Variants in RBFOX3 observed in about 807,000 individuals in gnomAD.
The protein encoded by RBFOX3 is RNA binding protein fox-1 homolog 3.
RBFOX3 carries 17 observed loss-of-function variants against 48.7 expected under a neutral mutation model. The observed-to-expected ratio is 0.35, with a 90% confidence interval of 0.24 to 0.52. RBFOX3 has a LOEUF of 0.52. RBFOX3 is among the 20% of genes least tolerant of loss of function. The pLI is 0.94. For synonymous variants in RBFOX3, 212 were observed against 209.5 expected, an observed-to-expected ratio of 1.01 and a Z score of -0.10; for missense variants, 382 against 497.5, an observed-to-expected ratio of 0.77 and a Z score of 2.21.
At position 79,541,911 on chromosome 17, in the gene RBFOX3, TGGGCCAC is replaced by T. The variant is rs546375957; in HGVS notation, c.-319-59320_-319-59314del. Reference sequence around the variant, plus strand: ...GACACCTCCTGCCGATGTCACCAGGTGGGCCACGGAGCACGGGGCTCCTCCAGGGTCC... The same window carrying T: ...GACACCTCCTGCCGATGTCACCAGGTGGAGCACGGGGCTCCTCCAGGGTCC... On this transcript the variant is annotated intron_variant, in intron 1 of 14. Coordinates refer to ENST00000693108, the MANE Select transcript of RBFOX3 (RefSeq NM_001350451.2). Among the ~76,000 whole-genome samples, 309 of 152,248 alleles carry T rather than the reference TGGGCCAC, an allele frequency of 2.0e-3. 3 individuals are homozygous for T. The South Asian group carries it at 0.026, about 13-fold the overall frequency.
At chr17:79,569,422 T>C (rs1169023217) in intron 1 of RBFOX3, among the ~76,000 whole-genome samples, 1 of 152,210 alleles carries the variant, frequency 6.6e-6, no homozygotes, top group Non-Finnish European at 1.5e-5. Flanking sequence ...CATTCCCTTC[T>C]ATGGCTACGC....
intron 3 of RBFOX3, among the ~76,000 whole-genome samples, chr17:79,297,560 G>A (rs551639933): frequency 1.3e-5 from 2 of 152,394 alleles, no homozygotes; most frequent in Admixed American, 1.3e-4. Context: ...AAGCAAAGCT[G>A]ATGTAGGACA....
intron 4 of RBFOX3, among the ~76,000 whole-genome samples, chr17:79,190,287 T>C (rs908612326): frequency 6.6e-6 from 1 of 152,112 alleles, no homozygotes; most frequent in African/African-American, 2.4e-5. Context: ...GACACATGCC[T>C]TTAATCCTAG....
At chr17:79,538,027 C>A (rs1193770458) in intron 1 of RBFOX3, among the ~76,000 whole-genome samples, 2 of 152,156 alleles carry the variant, frequency 1.3e-5, no homozygotes, top group Admixed American at 1.3e-4. Context: ...CAGGCAAGGC[C>A]TCCGTACTCA....
In RBFOX3 at chr17:79,374,269, C is replaced by T. The variant is rs112090304; in HGVS notation, c.-174-66445G>A. 4.6e-5 allele frequency among the ~76,000 whole-genome samples: 7 copies of T among 152,256 alleles called. 1 individual carries two copies. Among genetic ancestry groups the T allele is most frequent in the African/African-American group, 1.4e-4 (6 of 41,526 alleles). ...AGAGTGGGCGTGAGAGAAGTAAAGA[C>T]GAGAAGCCGCAGCTTCCCAGGGCAA... is the stretch of plus-strand genomic sequence containing the variant. On this transcript the variant is annotated intron_variant, in intron 2 of 14. Transcript: ENST00000693108.
rs571897280 is a variant in RBFOX3 at position 79,390,358 on chromosome 17, ACCATCACGG to A, written c.-174-82543_-174-82535del. 1.4e-3 allele frequency among the ~76,000 whole-genome samples: 216 copies of A among 152,286 alleles called. 3 individuals are homozygous for A. Among genetic ancestry groups the A allele is most frequent in the African/African-American group, 4.9e-3 (205 of 41,566 alleles). On this transcript the variant is annotated intron_variant, in intron 2 of 14. Transcript: ENST00000693108. This position sits in a 1 kb window ranked among gnomAD's most constrained non-coding sequence, Gnocchi z 4.2. Reference sequence around the variant, plus strand: ...TTTGCCACGCTGTGGTTTCATCACGACCATCACGGCCAGGTGACGGGTTCCAGCTCATTC... The same window carrying A: ...TTTGCCACGCTGTGGTTTCATCACGACCAGGTGACGGGTTCCAGCTCATTC...
In RBFOX3 at chr17:79,541,046, C is replaced by T. The variant is rs372474478; in HGVS notation, c.-319-58448G>A. On this transcript the variant is annotated intron_variant, in intron 1 of 14. Transcript: ENST00000693108. ...TCAGCAGCCACAGACGAGACATTAG[C>T]GTTACAACCCACACTGATCTTTGTC... 2.0e-3 allele frequency among the ~76,000 whole-genome samples: 307 copies of T among 152,242 alleles called. 3 individuals carry two copies. In the South Asian group the frequency reaches 0.025, roughly 13 times the overall value.
intron 1 of RBFOX3, among the ~76,000 whole-genome samples, chr17:79,607,521 C>G (rs971037279): frequency 6.6e-6 from 1 of 152,170 alleles, no homozygotes; most frequent in South Asian, 2.1e-4. Context: ...CCCCCCACCC[C>G]CTACCACCAC....
chr17:79,226,358 C>T (rs2060310576), intron 4 of RBFOX3, among the ~76,000 whole-genome samples: 1 of 152,196 alleles, frequency 6.6e-6, no homozygotes, highest in Non-Finnish European at 1.5e-5. Flanking sequence ...ACAGCACATT[C>T]CCTGGATAGG....
rs954623862 is a variant in RBFOX3 at position 79,288,009 on chromosome 17, C to G, written c.-74+19715G>C. On this transcript the variant is annotated intron_variant, in intron 3 of 14. Coordinates refer to ENST00000693108, the MANE Select transcript of RBFOX3 (RefSeq NM_001350451.2). The stretch of plus-strand genomic sequence containing the variant: ...CCCCTCTCGGGCTCCACATTTCACT[C>G]CCACACACAAAGTCTTAAGTCCCCA... Among the ~76,000 whole-genome samples, 4 of 152,314 alleles carry G rather than the reference C, an allele frequency of 2.6e-5. No homozygotes were observed. In the South Asian group the frequency reaches 8.3e-4, roughly 32 times the overall value.
At chr17:79,429,543 A>G (rs62061674) in intron 2 of RBFOX3, among the ~76,000 whole-genome samples, 5,832 of 152,122 alleles carry the variant, frequency 0.038, 163 homozygotes, top group South Asian at 0.09. Flanking sequence ...GTCCCTCACT[A>G]AGAAGCCCAG....
chr17:79,185,791 C>T (rs1179518865), intron 4 of RBFOX3, among the ~76,000 whole-genome samples: 7 of 152,208 alleles, frequency 4.6e-5, no homozygotes, highest in Admixed American at 3.3e-4. Context: ...CACAGAGCCA[C>T]TTTTTGAGTC....
In RBFOX3 at chr17:79,204,164, T is replaced by C. The variant is rs1364665794; in HGVS notation, c.-34+31602A>G. On this transcript the variant is annotated intron_variant, in intron 4 of 14. Coordinates refer to ENST00000693108, the MANE Select transcript of RBFOX3 (RefSeq NM_001350451.2). This position sits in a 1 kb window ranked among gnomAD's most constrained non-coding sequence, Gnocchi z 4.5. Reference sequence around the variant, plus strand: ...ACTTCCCCTACTGCCATGACAGCAATAGCTAGAGTTGGGGTTCAGCACAGG... The same window carrying C: ...ACTTCCCCTACTGCCATGACAGCAACAGCTAGAGTTGGGGTTCAGCACAGG... 6.6e-6 allele frequency among the ~76,000 whole-genome samples: 1 copy of C among 151,820 alleles called. No individual in the cohort carries two copies. Among genetic ancestry groups the C allele is most frequent in the Non-Finnish European group, 1.5e-5 (1 of 67,942 alleles).
intron 2 of RBFOX3, among the ~76,000 whole-genome samples, chr17:79,404,073 C>G (rs28449833): frequency 7.2e-5 from 11 of 152,318 alleles, no homozygotes; most frequent in East Asian, 3.9e-4. Flanking sequence ...CCACCACACC[C>G]GGCCCAGGAT....
At chr17:79,566,690 T>G (rs1656576800) in intron 1 of RBFOX3, among the ~76,000 whole-genome samples, 1 of 152,252 alleles carries the variant, frequency 6.6e-6, no homozygotes, top group Non-Finnish European at 1.5e-5. Context: ...CCTAGGGCAC[T>G]GTGGTTGCCC....
chr17:79,382,590 C>A (rs118086319), intron 2 of RBFOX3, among the ~76,000 whole-genome samples: 1 of 152,188 alleles, frequency 6.6e-6, no homozygotes, highest in Non-Finnish European at 1.5e-5. Context: ...GGGAAGCCAA[C>A]CCTTGCGGTC....
At chr17:79,660,713 T>G in the RBFOX3 span, among the ~76,000 whole-genome samples, 4 of 152,120 alleles carry the variant, frequency 2.6e-5, no homozygotes, top group African/African-American at 9.7e-5. Flanking sequence ...AATAAGAAGA[T>G]GACGTGGTGA....
chr17:79,660,532 G>C, the RBFOX3 span, among the ~76,000 whole-genome samples: 1 of 152,156 alleles, frequency 6.6e-6, no homozygotes, highest in Non-Finnish European at 1.5e-5. Flanking sequence ...TGGTCAAGAA[G>C]CATATGAAAA....
the RBFOX3 span, among the ~76,000 whole-genome samples, chr17:79,655,351 A>G: frequency 3.3e-5 from 5 of 152,174 alleles, no homozygotes; most frequent in Non-Finnish European, 5.9e-5. Context: ...CCAGGGAAAT[A>G]ACCACGTTCC....
Sources: allele counts gnomAD v4.1 joint callset (sites outside exome capture counted in the v4.1 genomes callset), GRCh38; gene constraint gnomAD v4.1.1; non-coding constraint Gnocchi (gnomAD v3.1); transcripts MANE v1.5; gene names NCBI Gene and HGNC (gene_info 2026-07-23, HGNC 2026-07-21).